Variants in IPO4 observed in about 807,000 individuals in gnomAD.
IPO4 encodes the protein importin 4, also known as importin-4.
Under a neutral mutation model 133.5 loss-of-function variants are expected in IPO4, and 91 were observed. The ratio of observed to expected loss-of-function variants is 0.68; its 90% CI spans 0.58 to 0.81. The LOEUF (loss-of-function observed/expected upper bound fraction) is 0.81. Among genes scored for constraint, IPO4 ranks in the 30% least tolerant of loss-of-function variants. The pLI, the probability that IPO4 is intolerant of heterozygous loss-of-function variation, is 0.00. For synonymous variants in IPO4, 607 were observed against 581.6 expected (o/e 1.04, Z -0.63); for missense variants, 1,279 against 1,386.2 (o/e 0.92, Z 1.23).
At chr14:24,182,245 A>C in intron 25 of IPO4, 33 bp downstream of exon 25, 1 of 1,614,072 alleles carries the variant, frequency 6.2e-7, no homozygotes, top group Non-Finnish European at 8.5e-7. Context: ...GCACGAGGGG[A>C]CTAGGGCTTG....
Position 24,185,467 on chromosome 14 carries a change from T to C in IPO4, c.1270A>G (p.Asn424Asp). 3 of 1,614,130 alleles carry C rather than the reference T, an allele frequency of 1.9e-6. No individual in the cohort carries two copies. The highest frequency in any genetic ancestry group is 2.5e-6 in the Non-Finnish European group (3 of 1,179,978). ...ALFALGQFSE[N>D]LQPHISSYSR... ...CATTCAGCCTGGTTCACCTGTAGGT[T>C]TTCTGAGAACTGGCCCAGGGCAAAC... Residue 424 changes from asparagine to aspartate, a missense_variant, in exon 13 of 30, where the codon AAC becomes GAC. Asn to Asp is a conservative substitution (Grantham distance 23, BLOSUM62 1). Coordinates refer to ENST00000354464, the MANE Select transcript of IPO4 (RefSeq NM_024658.4).
Position 24,186,155 on chromosome 14 carries a change from G to A in IPO4, c.1033C>T (p.Pro345Ser), listed in dbSNP as rs1276427428. The A allele has an allele frequency of 2.5e-6, 4 of 1,614,024 alleles. No homozygotes were observed. Among genetic ancestry groups the A allele is most frequent in the South Asian group, 2.2e-5 (2 of 91,076 alleles). Residue 345 changes from proline to serine, a missense_variant, in exon 11 of 30, where the codon CCC becomes TCC. Pro to Ser is a moderately conservative substitution (Grantham distance 74). Transcript: ENST00000354464. ...QVVDMLALHL[P>S]PEKLCPQLMP... is the part of the protein sequence containing the mutation. ...AGCTGGGGACAGAGCTTCTCGGGGGGCAGGTGTAGTGCCAGCATGTCCACA... is the reference window on the plus strand; with the variant it reads ...AGCTGGGGACAGAGCTTCTCGGGGGACAGGTGTAGTGCCAGCATGTCCACA...
In IPO4 at chr14:24,185,177, C is replaced by T. The variant is rs2039201101; in HGVS notation, c.1408+6G>A. The T allele has an allele frequency of 6.2e-7, 1 of 1,613,796 alleles. No homozygotes were observed. The highest frequency in any genetic ancestry group is 1.3e-5 in the African/African-American group (1 of 74,950). Reference sequence around the variant, plus strand: ...CCTTCCCCAAGCTCCCCACTGCCATCACTACCTAGGTTCTCCACAAAATTC... The same window carrying T: ...CCTTCCCCAAGCTCCCCACTGCCATTACTACCTAGGTTCTCCACAAAATTC... On this transcript the variant is annotated splice_donor_region_variant and intron_variant, in intron 14 of 29. Coordinates refer to ENST00000354464, the MANE Select transcript of IPO4 (RefSeq NM_024658.4).
chr14:24,185,766 G>A (rs1374329635), intron 12 of IPO4, 95 bp downstream of exon 12: 7 of 1,055,248 alleles, frequency 6.6e-6, no homozygotes, highest in South Asian at 6.4e-5. Context: ...GGGGGGAAAC[G>A]CTGTTGATAA....
rs1390483768 is a variant in IPO4, at chr14:24,186,719, C to A, written c.829G>T (p.Val277Phe). Residue 277 changes from valine (V) to phenylalanine (F), a missense_variant, in exon 9 of 30, where the codon GTC becomes TTC. Transcript: ENST00000354464. The stretch of plus-strand genomic sequence containing the variant: ...GGGCACTCACTTACCTTGCTCTTGA[C>A]TTTGACCAAGAAAGTGAGGCAGCAG... ...ILCCLTFLVK[V>F]KSKALLKNRL... 1 of 1,614,094 alleles carries A rather than the reference C, an allele frequency of 6.2e-7. No individual in the cohort carries two copies. Among genetic ancestry groups the A allele is most frequent in the South Asian group, 1.1e-5 (1 of 91,070 alleles).
At chr14:24,187,909 G>T in intron 4 of IPO4, 113 bp from the exon 5 acceptor site, 1 of 1,357,176 alleles carries the variant, frequency 7.4e-7, no homozygotes, top group Non-Finnish European at 1.0e-6. Context: ...TGGGCACAGG[G>T]TCTTTGCCAA....
At position 24,181,751 on chromosome 14, in the gene IPO4, C is replaced by T. The variant is rs777470214; in HGVS notation, c.2900G>A (p.Arg967His). 26 of 1,601,038 alleles carry T rather than the reference C, an allele frequency of 1.6e-5. No homozygotes were observed. The highest frequency in any genetic ancestry group is 2.7e-5 in the African/African-American group (2 of 74,742). The stretch of plus-strand genomic sequence containing the variant: ...CCTGGTGGGACTGGCCATCAACAGG[C>T]GGGCAAGTGCCCCACAGATGTTGTC... The part of the protein sequence containing the change: ...VRDNICGALA[R>H]LLMASPTRKP... Residue 967 changes from arginine (R) to histidine (H), a missense_variant, in exon 27 of 30, where the codon CGC becomes CAC. Coordinates refer to ENST00000354464, the MANE Select transcript of IPO4 (RefSeq NM_024658.4).
At chr14:24,183,970 T>C in intron 18 of IPO4, 28 bp downstream of exon 18, 1 of 1,599,758 alleles carries the variant, frequency 6.3e-7, no homozygotes, top group Non-Finnish European at 8.5e-7. Flanking sequence ...AGGGCAGGCC[T>C]GGCCCAGCCC....
rs1249660645 is a variant in IPO4, at chr14:24,184,651, C to T, written c.1635G>A (p.Leu545=). ...CCCACCTGGGAACCTCTCACTCACC[C>T]AGGCTCTGGATCTGCACAGGCTGAA... ...EDLQPVQIQS[L]ETLGVLARAV... is the part of the protein sequence containing the mutation. Residue 545 remains leucine, a splice_region_variant and synonymous_variant, in exon 16 of 30, where the codon CTG becomes CTA. Coordinates refer to ENST00000354464, the MANE Select transcript of IPO4 (RefSeq NM_024658.4). 1 of 1,589,778 alleles carries T rather than the reference C, an allele frequency of 6.3e-7. No individual in the cohort carries two copies.
At chr14:24,181,449 G>T in intron 28 of IPO4, 64 bp downstream of exon 28, 1 of 1,372,196 alleles carries the variant, frequency 7.3e-7, no homozygotes, top group Non-Finnish European at 1.0e-6. Flanking sequence ...CTCATCAGCA[G>T]ACAGTGCCTA....
chr14:24,188,068 T>G (rs528329030), intron 4 of IPO4, 148 bp downstream of exon 4: 2 of 879,018 alleles, frequency 2.3e-6, no homozygotes, highest in South Asian at 3.2e-5. Context: ...TCAAGAACTT[T>G]AGTCTTCAAA....
At chr14:24,185,661 G>C in intron 12 of IPO4, 94 bp from the exon 13 acceptor site, 1 of 1,236,070 alleles carries the variant, frequency 8.1e-7, no homozygotes, top group Non-Finnish European at 1.2e-6. Flanking sequence ...AAAAACCAAG[G>C]CTTTTCCTGT....
Position 24,182,142 on chromosome 14 carries a change from C to T in IPO4, c.2620G>A (p.Glu874Lys). 2 of 1,614,100 alleles carry T rather than the reference C, an allele frequency of 1.2e-6. No homozygotes were observed. The highest frequency in any genetic ancestry group is 1.3e-5 in the African/African-American group (1 of 75,060). ...AAGGTCCCCACTGCAAAGGACTTCT[C>T]TGCCACTGTGCAGCCCTGTTTCTGA... is the stretch of plus-strand genomic sequence containing the variant. ...CKTKQGCTVA[E>K]KSFAVGTLAE... The change falls in exon 26 of 30, where the codon GAG (glutamate) becomes AAG (lysine). Residue 874 changes from glutamate to lysine, a missense_variant. By Grantham distance (56) the Glu-to-Lys change is moderately conservative. Coordinates refer to ENST00000354464, the MANE Select transcript of IPO4 (RefSeq NM_024658.4).
chr14:24,184,979 C>T lies in IPO4; in HGVS notation c.1410G>A (p.Gly470=), dbSNP rs757986803. 1 of 1,613,280 alleles carries T rather than the reference C, an allele frequency of 6.2e-7. No individual in the cohort carries two copies. Among genetic ancestry groups the T allele is most frequent in the Admixed American group, 1.7e-5 (1 of 59,922 alleles). ...CCGGAAGGTAGGGCTGCACCTTGGGCCCTGTGGGAAAGGATGCTCCTCTAC... is the reference window on the plus strand; with the variant it reads ...CCGGAAGGTAGGGCTGCACCTTGGGTCCTGTGGGAAAGGATGCTCCTCTAC... The part of the protein sequence containing the change: ...YALENFVENL[G]PKVQPYLPEL... The change falls in exon 15 of 30, where the codon GGG becomes GGA. Residue 470 remains glycine, a splice_region_variant and synonymous_variant. Coordinates refer to ENST00000354464, the MANE Select transcript of IPO4 (RefSeq NM_024658.4).
At position 24,185,976 on chromosome 14, in the gene IPO4, G is replaced by C. The variant is rs764279714; in HGVS notation, c.1060-6C>G. ...GCCTCTTCCAACATGGGCATCTAGG[G>C]AAGCATGTGGCACGCTTCTGAAACC... is the stretch of plus-strand genomic sequence containing the variant. On this transcript the variant is annotated splice_polypyrimidine_tract_variant and splice_region_variant and intron_variant, in intron 11 of 29. Coordinates refer to ENST00000354464, the MANE Select transcript of IPO4 (RefSeq NM_024658.4). 10 of 1,613,180 alleles carry C rather than the reference G, an allele frequency of 6.2e-6. No homozygotes were observed. In the South Asian group the frequency reaches 1.1e-4, roughly 18 times the overall value.
chr14:24,184,814 C>T, intron 15 of IPO4, 51 bp from the exon 16 acceptor site: 1 of 1,605,220 alleles, frequency 6.2e-7, no homozygotes, highest in Non-Finnish European at 8.5e-7. Flanking sequence ...GGACCACCAG[C>T]CACAGGGCCT....
chr14:24,183,102 G>T lies in IPO4; in HGVS notation c.2295C>A (p.Arg765=). The T allele has an allele frequency of 6.2e-7, 1 of 1,613,850 alleles. No individual in the cohort carries two copies. The highest frequency in any genetic ancestry group is 1.1e-5 in the South Asian group (1 of 91,080). The change falls in exon 23 of 30, where the codon CGC becomes CGA. Residue 765 remains arginine, a synonymous_variant. Coordinates refer to ENST00000354464, the MANE Select transcript of IPO4 (RefSeq NM_024658.4). Reference sequence around the variant, plus strand: ...CCTCCAGCACGGCCATCACCACCTGGCGTTCCCGCTCCCTGTTCACTGCCT... The same window carrying T: ...CCTCCAGCACGGCCATCACCACCTGTCGTTCCCGCTCCCTGTTCACTGCCT... The part of the protein sequence containing the change: ...YMQAVNRERE[R]QVVMAVLEAL...
rs151266653 is a variant in IPO4 at position 24,187,339 on chromosome 14, C to T, written c.588+61G>A. On this transcript the variant is annotated intron_variant, in intron 6 of 29. Transcript: ENST00000354464. The stretch of plus-strand genomic sequence containing the variant: ...ATCCAAAGCAGCTTTGTAACTTTTA[C>T]GGGTGAGGACATGAAGGCATGAGGA... 1.9e-3 allele frequency: 2,926 copies of T among 1,574,800 alleles called. 36 individuals are homozygous for T. Among genetic ancestry groups the T allele is most frequent in the African/African-American group, 0.016 (1,181 of 73,924 alleles).
chr14:24,182,792 C>T lies in IPO4; in HGVS notation c.2472G>A (p.Gln824=). ...CCCCGTTTTTATCCCTGGCTCTCAC[C>T]TGATCATCATCTTCCTCTTCCTCCT... ...DEEEEEEDDD[Q]AEYDAMLLEH... is the part of the protein sequence containing the mutation. Residue 824 remains glutamine (Q), a splice_region_variant and synonymous_variant, in exon 24 of 30, where the codon CAG becomes CAA. Coordinates refer to ENST00000354464, the MANE Select transcript of IPO4 (RefSeq NM_024658.4). 6.2e-7 allele frequency: 1 copy of T among 1,614,188 alleles called. No homozygotes were observed. The highest frequency in any genetic ancestry group is 8.5e-7 in the Non-Finnish European group (1 of 1,179,998).
Sources: gnomAD v4.1 joint callset for allele counts on GRCh38, gnomAD v4.1.1 for gene constraint, MANE v1.5 for transcripts, NCBI Gene and HGNC (gene_info 2026-07-23, HGNC 2026-07-21) for gene names.